Variants in TMEM132D observed in about 807,000 individuals in gnomAD.
TMEM132D encodes the protein transmembrane protein 132D, also known as mature OL transmembrane protein.
TMEM132D carries 21 observed loss-of-function variants against 62.3 expected under a neutral mutation model. The observed-to-expected ratio is 0.34, with a 90% CI of 0.24 to 0.49. TMEM132D has a LOEUF of 0.49. TMEM132D is among the 20% of genes least tolerant of loss of function. The probability of loss-of-function intolerance (pLI) is 0.99; values close to 1 mark genes in which losing one functional copy is unlikely to be tolerated. For synonymous variants in TMEM132D, 621 were observed against 575.6 expected, an observed-to-expected ratio of 1.08 and a Z score of -1.13; for missense variants, 1,346 against 1,402.8, an observed-to-expected ratio of 0.96 and a Z score of 0.65.
intron 1 of TMEM132D, among the ~76,000 whole-genome samples, chr12:129,730,179 C>G (rs1228804636): frequency 6.6e-6 from 1 of 152,140 alleles, no homozygotes; most frequent in Non-Finnish European, 1.5e-5. Flanking sequence ...CTCCTAGTCT[C>G]TCAGTTATGT....
At chr12:129,792,470 G>C (rs777447114) in intron 1 of TMEM132D, among the ~76,000 whole-genome samples, 1 of 152,158 alleles carries the variant, frequency 6.6e-6, no homozygotes. Flanking sequence ...TAATCACTGA[G>C]TATTTATTCC....
At chr12:129,149,162 G>A in intron 5 of TMEM132D, among the ~76,000 whole-genome samples, 1 of 151,562 alleles carries the variant, frequency 6.6e-6, no homozygotes, top group East Asian at 1.9e-4. Flanking sequence ...TCACTCACAA[G>A]TGGGAGTTGA....
chr12:129,881,652 G>A (rs1874601440), intron 1 of TMEM132D, among the ~76,000 whole-genome samples: 1 of 151,892 alleles, frequency 6.6e-6, no homozygotes, highest in South Asian at 2.1e-4. Flanking sequence ...AGAGTTCCTA[G>A]AGAAAAATGT....
intron 3 of TMEM132D, among the ~76,000 whole-genome samples, chr12:129,470,348 G>T (rs904896963): frequency 4.6e-5 from 7 of 152,190 alleles, no homozygotes; most frequent in African/African-American, 1.7e-4. Flanking sequence ...GGTGTGGTCA[G>T]TTATGTTAGG....
chr12:129,178,577 G>A (rs1441315336), intron 5 of TMEM132D, among the ~76,000 whole-genome samples: 1 of 151,844 alleles, frequency 6.6e-6, no homozygotes, highest in Non-Finnish European at 1.5e-5. Context: ...TAACATAAAA[G>A]CACATGTGAT....
intron 2 of TMEM132D, among the ~76,000 whole-genome samples, chr12:129,612,308 C>T (rs1878797975): frequency 6.6e-6 from 1 of 152,184 alleles, no homozygotes; most frequent in Admixed American, 6.5e-5. Flanking sequence ...CCCTTTCCAT[C>T]CTCCCCCTTG....
At chr12:129,642,955 A>C in intron 2 of TMEM132D, among the ~76,000 whole-genome samples, 1 of 106,384 alleles carries the variant, frequency 9.4e-6, no homozygotes, top group African/African-American at 3.8e-5. Flanking sequence ...ACGGAGTTTC[A>C]CTCTTGTCAC....
At chr12:129,107,868 T>TAA (rs35711972) in intron 5 of TMEM132D, among the ~76,000 whole-genome samples, 3 of 149,198 alleles carry the variant, frequency 2.0e-5, no homozygotes, top group African/African-American at 7.4e-5. Flanking sequence ...TTTTTTTTTT[T>TAA]TATTTGTAGA....
chr12:129,754,750 C>A (rs1034127995), intron 1 of TMEM132D, among the ~76,000 whole-genome samples: 12 of 152,128 alleles, frequency 7.9e-5, no homozygotes, highest in African/African-American at 2.9e-4. Context: ...TACATTAAGG[C>A]AGTTAAAAGA....
chr12:129,687,225 T>A (rs1447381072), intron 2 of TMEM132D, among the ~76,000 whole-genome samples: 1 of 152,134 alleles, frequency 6.6e-6, no homozygotes, highest in African/African-American at 2.4e-5. Flanking sequence ...GGGATACTCA[T>A]GCAACATTAC....
intron 4 of TMEM132D, among the ~76,000 whole-genome samples, chr12:129,226,851 C>T (rs1218563322): frequency 6.6e-6 from 1 of 152,110 alleles, no homozygotes; most frequent in Non-Finnish European, 1.5e-5. Context: ...CCCAGGACCC[C>T]CGATTCATTT....
chr12:129,227,650 C>T (rs573555357), intron 4 of TMEM132D, among the ~76,000 whole-genome samples: 20 of 151,554 alleles, frequency 1.3e-4, no homozygotes, highest in Non-Finnish European at 5.9e-5. Context: ...GCACAATGTG[C>T]AGGTTTGTTA....
chr12:129,298,659 C>T (rs902226728), intron 4 of TMEM132D, among the ~76,000 whole-genome samples: 1 of 152,180 alleles, frequency 6.6e-6, no homozygotes, highest in Non-Finnish European at 1.5e-5. Flanking sequence ...ACCAACGGTT[C>T]TACTTTCTGC....
intron 4 of TMEM132D, among the ~76,000 whole-genome samples, chr12:129,322,987 T>C (rs1356413066): frequency 6.6e-6 from 1 of 152,218 alleles, no homozygotes; most frequent in Non-Finnish European, 1.5e-5. Context: ...TCCATTTCCA[T>C]TTAAAAATTG....
In TMEM132D at chr12:129,084,026, C is replaced by T. The variant is rs74534218; in HGVS notation, c.1649+471G>A. On this transcript the variant is annotated intron_variant, in intron 6 of 8. Transcript: ENST00000422113. ...AGGTCAGGTTGACCCTGTCAGATGT[C>T]CTTCCAGGGAACATCTGCTGCCTCC... Among the ~76,000 whole-genome samples the T allele has an allele frequency of 4.6e-5, 7 of 152,150 alleles. No homozygotes were observed. In the East Asian group the frequency reaches 1.4e-3, roughly 29 times the overall value.
chr12:129,324,399 T>G (rs566978844), intron 4 of TMEM132D, among the ~76,000 whole-genome samples: 1 of 152,334 alleles, frequency 6.6e-6, no homozygotes, highest in African/African-American at 2.4e-5. Context: ...GCCTGCCTGA[T>G]AGAAGAGTTT....
At position 129,673,519 on chromosome 12, in the gene TMEM132D, G is replaced by A. The variant is rs77844601; in HGVS notation, c.968+26291C>T. ...TGAAATTTCTGCTTGAAAGAAATCT[G>A]AAAAAAATCAAACATCCGGGACTGA... is the stretch of plus-strand genomic sequence containing the variant. On this transcript the variant is annotated intron_variant, in intron 2 of 8. Transcript: ENST00000422113. Among the ~76,000 whole-genome samples, 1,479 of 152,160 alleles carry A rather than the reference G, an allele frequency of 9.7e-3. 55 individuals carry two copies. The South Asian group carries it at 0.12, about 12-fold the overall frequency.
At chr12:129,473,324 G>GTTTTTTTT (rs751523415) in intron 3 of TMEM132D, among the ~76,000 whole-genome samples, 896 of 81,384 alleles carry the variant, frequency 0.011, 32 homozygotes, top group Middle Eastern at 0.059. Flanking sequence ...TTTAGTTTTT[G>GTTTTTTTT]TTTTTTTTTT....
At chr12:129,244,338 A>G (rs2135586203) in intron 4 of TMEM132D, among the ~76,000 whole-genome samples, 1 of 147,632 alleles carries the variant, frequency 6.8e-6, no homozygotes, top group African/African-American at 2.5e-5. Flanking sequence ...GTGAGCCGAG[A>G]TCGCGCCACT....
Sources: allele counts gnomAD v4.1 joint callset (sites outside exome capture counted in the v4.1 genomes callset), GRCh38; gene constraint gnomAD v4.1.1; transcripts MANE v1.5; gene names NCBI Gene and HGNC (gene_info 2026-07-23, HGNC 2026-07-21).